The following PLBD1 variants were observed in gnomAD, a reference collection of about 807,000 sequenced individuals.
PLBD1 encodes the protein lysosomal leucine aminopeptidase.
PLBD1 carries 60 observed loss-of-function variants against 63.0 expected under a neutral mutation model. The ratio of observed to expected loss-of-function variants is 0.95; its 90% confidence interval spans 0.77 to 1.18. The LOEUF is 1.18. PLBD1 is among the 50% of genes most tolerant of loss of function. PLBD1 has a pLI of 0.00. For synonymous variants in PLBD1, 262 were observed against 248.0 expected (o/e 1.06, Z -0.53); for missense variants, 598 against 677.9 (o/e 0.88, Z 1.31).
At chr12:14,534,486 C>T (rs1945494960) in intron 6 of PLBD1, among the ~76,000 whole-genome samples, 1 of 151,858 alleles carries the variant, frequency 6.6e-6, no homozygotes, top group African/African-American at 2.4e-5. Context: ...CTCATCCTTG[C>T]CTCCTTTCTG....
At chr12:14,554,490 G>A (rs903032773) in intron 1 of PLBD1, among the ~76,000 whole-genome samples, 4 of 152,138 alleles carry the variant, frequency 2.6e-5, no homozygotes, top group Non-Finnish European at 4.4e-5. Flanking sequence ...TCATTACAAA[G>A]TTTAAAGTGT....
At chr12:14,518,653 A>G (rs1591996411) in intron 6 of PLBD1, among the ~76,000 whole-genome samples, 2 of 152,110 alleles carry the variant, frequency 1.3e-5, no homozygotes, top group Non-Finnish European at 1.5e-5. Context: ...GACATAATCT[A>G]TCTCCTTACT....
At chr12:14,547,826 G>A (rs897886979) in intron 2 of PLBD1, among the ~76,000 whole-genome samples, 3 of 152,084 alleles carry the variant, frequency 2.0e-5, no homozygotes, top group Non-Finnish European at 4.4e-5. Flanking sequence ...GGCTCCTTTA[G>A]TATTTCCCAC....
In PLBD1 at chr12:14,523,385, T is replaced by A. The variant is rs11056009; in HGVS notation, c.845-11674A>T. 1.6e-3 allele frequency among the ~76,000 whole-genome samples: 241 copies of A among 152,164 alleles called. 2 individuals carry two copies. In the South Asian group the frequency reaches 0.021, roughly 13 times the overall value. ...CATGTTTACGGATTTGAGGAATTTT[T>A]AAAAAAATGTCCATACTAATCAAAG... On this transcript the variant is annotated intron_variant, in intron 6 of 10. Transcript: ENST00000240617.
chr12:14,523,327 A>T (rs1033144224), intron 6 of PLBD1, among the ~76,000 whole-genome samples: 6 of 152,184 alleles, frequency 3.9e-5, no homozygotes, highest in Admixed American at 6.5e-5. Flanking sequence ...TATTGACATA[A>T]GAAATGAAGA....
At chr12:14,551,154 G>A (rs1307234303) in intron 2 of PLBD1, among the ~76,000 whole-genome samples, 2 of 152,176 alleles carry the variant, frequency 1.3e-5, no homozygotes, top group African/African-American at 4.8e-5. Context: ...CACGAGGTCA[G>A]GAGTTCGAGA....
intron 1 of PLBD1, among the ~76,000 whole-genome samples, chr12:14,556,082 G>A (rs1399522001): frequency 6.6e-6 from 1 of 152,204 alleles, no homozygotes; most frequent in Non-Finnish European, 1.5e-5. Flanking sequence ...TCTTTTCTCT[G>A]TCTGAGAAGC....
chr12:14,527,890 A>G (rs1163292842), intron 6 of PLBD1, among the ~76,000 whole-genome samples: 1 of 152,022 alleles, frequency 6.6e-6, no homozygotes, highest in African/African-American at 2.4e-5. Flanking sequence ...TGGAGTGGTT[A>G]TATTAATATA....
rs1945606610 is a variant in PLBD1, at chr12:14,545,005, CT to C, written c.336-2715del. ...GTGTGTAGGCATTTTTCTTTCCCCC[CT>C]CTCTGTCTCTCTCCCTCTCTCCCTC... On this transcript the variant is annotated intron_variant, in intron 2 of 10. Coordinates refer to ENST00000240617, the MANE Select transcript of PLBD1 (RefSeq NM_024829.6). 2.6e-5 allele frequency among the ~76,000 whole-genome samples: 4 copies of C among 152,012 alleles called. No individual in the cohort carries two copies. In the South Asian group the frequency reaches 8.3e-4, roughly 32 times the overall value.
At chr12:14,553,072 CAT>C in intron 2 of PLBD1, 119 bp downstream of exon 2, 1 of 891,508 alleles carries the variant, frequency 1.1e-6, no homozygotes, top group Admixed American at 2.3e-5. Context: ...CTCTATCACA[CAT>C]GTGAACTCCA....
At chr12:14,547,079 C>T (rs1009926941) in intron 2 of PLBD1, among the ~76,000 whole-genome samples, 1 of 151,870 alleles carries the variant, frequency 6.6e-6, no homozygotes, top group Non-Finnish European at 1.5e-5. Context: ...AGGGTTTCAC[C>T]ATGTTGGTCA....
At chr12:14,520,274 G>A (rs1446398943) in intron 6 of PLBD1, among the ~76,000 whole-genome samples, 5 of 152,204 alleles carry the variant, frequency 3.3e-5, no homozygotes, top group Non-Finnish European at 5.9e-5. Flanking sequence ...AAATCACAAA[G>A]AGAGTTAGCT....
chr12:14,552,924 A>T (rs940415905), intron 2 of PLBD1, among the ~76,000 whole-genome samples: 3 of 152,124 alleles, frequency 2.0e-5, no homozygotes, highest in African/African-American at 7.2e-5. Context: ...ACTACTCAGG[A>T]GGCTGAGGTG....
At chr12:14,521,264 G>A (rs575406682) in intron 6 of PLBD1, among the ~76,000 whole-genome samples, 32 of 152,050 alleles carry the variant, frequency 2.1e-4, no homozygotes, top group Admixed American at 9.8e-4. Flanking sequence ...GTGTCCTGAC[G>A]CCCAAGGAAC....
chr12:14,545,007 CTCTG>C (rs1197865530), intron 2 of PLBD1, among the ~76,000 whole-genome samples: 1 of 152,022 alleles, frequency 6.6e-6, no homozygotes, highest in Admixed American at 6.6e-5. Context: ...TTTCCCCCCT[CTCTG>C]TCTCTCTCCC....
At chr12:14,529,502 A>T (rs1420336080) in intron 6 of PLBD1, among the ~76,000 whole-genome samples, 1 of 152,196 alleles carries the variant, frequency 6.6e-6, no homozygotes, top group African/African-American at 2.4e-5. Flanking sequence ...GTAACTTATC[A>T]TATTAATAAA....
intron 9 of PLBD1, among the ~76,000 whole-genome samples, chr12:14,506,708 T>C (rs1945258292): frequency 1.4e-5 from 2 of 147,994 alleles, no homozygotes; most frequent in African/African-American, 2.6e-5. Context: ...GTTTTACAGA[T>C]GATTTTTTTT....
chr12:14,507,331 TATTTC>T (rs1320007307), intron 8 of PLBD1, among the ~76,000 whole-genome samples: 2 of 152,228 alleles, frequency 1.3e-5, no homozygotes, highest in Non-Finnish European at 2.9e-5. Context: ...AGCTCTAGGT[TATTTC>T]ATTAGGGGAA....
At chr12:14,518,853 T>G (rs537763338) in intron 6 of PLBD1, among the ~76,000 whole-genome samples, 3 of 152,202 alleles carry the variant, frequency 2.0e-5, no homozygotes, top group African/African-American at 7.2e-5. Context: ...TTACTTGGCC[T>G]GAAGGTTAGT....
Sources: gnomAD v4.1 joint callset for allele counts (sites outside exome capture counted in the v4.1 genomes callset) on GRCh38, gnomAD v4.1.1 for gene constraint, MANE v1.5 for transcripts, NCBI Gene and HGNC (gene_info 2026-07-23, HGNC 2026-07-21) for gene names.